The following C10orf67 variants were observed in gnomAD, a reference collection of about 807,000 sequenced individuals.
C10orf67 encodes the protein chromosome 10 open reading frame 67.
C10orf67 carries 60 observed loss-of-function variants against 35.6 expected under a neutral mutation model. The ratio of observed to expected loss-of-function variants is 1.68; its 90% confidence interval spans 1.37 to 2.09. The LOEUF is 2.09. Ranked by LOEUF, C10orf67 falls within the 30% of genes most tolerant of loss-of-function variation. The pLI is 0.00. For synonymous variants in C10orf67, 167 were observed against 115.8 expected (o/e 1.44, Z -2.84); for missense variants, 474 against 330.2 (o/e 1.44, Z -3.38).
At chr10:23,289,456 G>A (rs893672866) in intron 7 of C10orf67, among the ~76,000 whole-genome samples, 5 of 152,028 alleles carry the variant, frequency 3.3e-5, no homozygotes, top group African/African-American at 1.2e-4. Flanking sequence ...GAACCACTGC[G>A]CCCCACCTTG....
At chr10:23,229,892 T>A (rs893958677) in intron 13 of C10orf67, among the ~76,000 whole-genome samples, 1 of 152,120 alleles carries the variant, frequency 6.6e-6, no homozygotes, top group African/African-American at 2.4e-5. Context: ...AAGATGCCAA[T>A]TGTGCCTAAA....
intron 7 of C10orf67, 71 bp from the exon 8 acceptor site, chr10:23,282,149 AT>A: frequency 2.4e-6 from 1 of 418,054 alleles, no homozygotes; most frequent in Non-Finnish European, 4.4e-6. Flanking sequence ...CCTCAAGAAA[AT>A]TTAGTGAAAC....
chr10:23,319,210 T>C (rs1010420094), intron 4 of C10orf67, among the ~76,000 whole-genome samples: 54 of 152,162 alleles, frequency 3.5e-4, no homozygotes, highest in Non-Finnish European at 4.4e-5. Flanking sequence ...TTTGTGTCCA[T>C]ATGTTCTCAA....
In C10orf67 at chr10:23,318,759, C is replaced by T. The variant is rs1328602989; in HGVS notation, c.546+1982G>A. 4.6e-6 allele frequency: 3 copies of T among 645,904 alleles called. No individual in the cohort carries two copies. The African/African-American group carries it at 5.5e-5, about 12-fold the overall frequency. The allele number at this position is 645,904 out of a possible 1,614,324, so 40.0% of individuals were successfully genotyped here. A position where few individuals can be genotyped will look rare whatever the true frequency, so the allele number is the denominator to read the frequency against. On this transcript the variant is annotated intron_variant, in intron 4 of 15. Transcript: ENST00000636213. The stretch of plus-strand genomic sequence containing the variant: ...AAGCCAACTAACAGTGGCTTAGACA[C>T]TGAGGGGTTGTTATCTCATGAATAA...
intron 13 of C10orf67, among the ~76,000 whole-genome samples, chr10:23,239,086 C>A (rs1040871656): frequency 3.9e-5 from 6 of 152,090 alleles, no homozygotes; most frequent in African/African-American, 1.2e-4. Context: ...TCCCCACAAA[C>A]CCGACTTGTC....
In C10orf67 at chr10:23,344,582, G is replaced by T. The variant is rs372171919; in HGVS notation, c.193C>A (p.Arg65Ser). Reference sequence around the variant, plus strand: ...AGCTCAGCCTACCTCGTGGACCCGCGCATTTGCGGGGGCTTGAATTCCCGA... The same window carrying T: ...AGCTCAGCCTACCTCGTGGACCCGCTCATTTGCGGGGGCTTGAATTCCCGA... The part of the protein sequence containing the change: ...EAREFKPPQM[R>S]GSTRLNISDD... Residue 65 changes from arginine to serine, a missense_variant, in exon 1 of 16, where the codon CGC becomes AGC. Coordinates refer to ENST00000636213, the MANE Select transcript of C10orf67 (RefSeq NM_001371909.1). 1.9e-6 allele frequency: 3 copies of T among 1,576,968 alleles called. No homozygotes were observed. The highest frequency in any genetic ancestry group is 2.6e-6 in the Non-Finnish European group (3 of 1,162,360).
intron 13 of C10orf67, among the ~76,000 whole-genome samples, chr10:23,237,138 G>T (rs569978919): frequency 1.3e-5 from 2 of 152,092 alleles, no homozygotes; most frequent in African/African-American, 4.8e-5. Context: ...TGTGGTATTT[G>T]GTTTTCTGCT....
intron 4 of C10orf67, among the ~76,000 whole-genome samples, chr10:23,309,261 C>G (rs1408692640): frequency 6.6e-6 from 1 of 152,042 alleles, no homozygotes; most frequent in Non-Finnish European, 1.5e-5. Context: ...GAGCTGGAGG[C>G]ATTATCCTAA....
At chr10:23,282,925 G>A (rs1843410453) in intron 7 of C10orf67, among the ~76,000 whole-genome samples, 2 of 151,756 alleles carry the variant, frequency 1.3e-5, no homozygotes, top group African/African-American at 4.8e-5. Flanking sequence ...GGGAAGGGTA[G>A]TGAGGGGTGG....
intron 8 of C10orf67, among the ~76,000 whole-genome samples, chr10:23,272,680 T>G (rs1843063007): frequency 6.6e-6 from 1 of 152,244 alleles, no homozygotes; most frequent in South Asian, 2.1e-4. Flanking sequence ...CTTGTGCATG[T>G]CTATATAAAT....
rs80025038 is a variant in C10orf67, at chr10:23,277,204, G to A, written c.975+4809C>T. On this transcript the variant is annotated intron_variant, in intron 8 of 15. Transcript: ENST00000636213. ...GATATTTATCATGGCAGAGAATACA[G>A]AAGCATCTACGAGAATTTAAATATT... Among the ~76,000 whole-genome samples the A allele has an allele frequency of 4.5e-3, 687 of 152,262 alleles. 8 individuals carry two copies. Among genetic ancestry groups the A allele is most frequent in the African/African-American group, 0.016 (663 of 41,566 alleles).
intron 15 of C10orf67, among the ~76,000 whole-genome samples, chr10:23,223,395 A>G (rs532578016): frequency 1.4e-4 from 21 of 152,298 alleles, no homozygotes; most frequent in African/African-American, 4.8e-4. Context: ...TTGATTTTCA[A>G]TTAGCAGTGA....
chr10:23,294,206 C>G (rs921827872), intron 5 of C10orf67, among the ~76,000 whole-genome samples: 1 of 152,126 alleles, frequency 6.6e-6, no homozygotes, highest in Admixed American at 6.5e-5. Flanking sequence ...AGCTGCCACT[C>G]TTGAATGACA....
At chr10:23,308,167 T>C (rs1844357293) in intron 4 of C10orf67, among the ~76,000 whole-genome samples, 1 of 152,170 alleles carries the variant, frequency 6.6e-6, no homozygotes, top group Non-Finnish European at 1.5e-5. Context: ...CCTTCTTCTC[T>C]TTCACGAACT....
intron 12 of C10orf67, among the ~76,000 whole-genome samples, chr10:23,245,977 T>TA (rs139142970): frequency 2.6e-5 from 4 of 152,060 alleles, no homozygotes; most frequent in South Asian, 4.1e-4. Context: ...GTAAACTGGA[T>TA]AAAAAAATAC....
intron 1 of C10orf67, among the ~76,000 whole-genome samples, chr10:23,340,349 C>CAAAAA (rs34098221): frequency 8.4e-6 from 1 of 118,608 alleles, no homozygotes; most frequent in Non-Finnish European, 1.7e-5. Context: ...TACAAAAATA[C>CAAAAA]AAAAAAAAAA....
chr10:23,206,786 G>GA (rs1841168931), intron 15 of C10orf67, among the ~76,000 whole-genome samples: 1 of 152,060 alleles, frequency 6.6e-6, no homozygotes, highest in Admixed American at 6.6e-5. Flanking sequence ...AAGTTTCAAT[G>GA]AAAAATTTCA....
chr10:23,204,913 A>G (rs1841117922), intron 15 of C10orf67, among the ~76,000 whole-genome samples: 1 of 152,080 alleles, frequency 6.6e-6, no homozygotes, highest in South Asian at 2.1e-4. Flanking sequence ...TTTGAAGGGG[A>G]ACAAAGGCCC....
At chr10:23,267,289 T>C (rs990086971) in intron 8 of C10orf67, 35 bp from the exon 9 acceptor site, 25 of 679,778 alleles carry the variant, frequency 3.7e-5, no homozygotes, top group Non-Finnish European at 6.2e-5. Flanking sequence ...TTGGTTATTA[T>C]CTGCAAAGAT....
Sources: allele counts gnomAD v4.1 joint callset (sites outside exome capture counted in the v4.1 genomes callset), GRCh38; gene constraint gnomAD v4.1.1; transcripts MANE v1.5; gene names NCBI Gene and HGNC (gene_info 2026-07-23, HGNC 2026-07-21).